Variants in ZIM2 observed in about 807,000 individuals in gnomAD.
ZIM2 encodes the protein zinc finger imprinted 2.
A neutral mutation model predicts 38.6 loss-of-function variants in ZIM2; 14 were observed. The observed-to-expected ratio is 0.36, with a 90% CI of 0.24 to 0.57. The LOEUF (loss-of-function observed/expected upper bound fraction) is 0.57. ZIM2 is among the 20% of genes least tolerant of loss of function. ZIM2 has a pLI of 0.81. For missense variants in ZIM2, 680 were observed against 695.1 expected (o/e 0.98, Z 0.24); for synonymous variants, 247 against 245.8 (o/e 1.00, Z -0.04).
At chr19:56,802,396 C>A (rs1272544213) in intron 9 of ZIM2, among the ~76,000 whole-genome samples, 1 of 152,134 alleles carries the variant, frequency 6.6e-6, no homozygotes, top group African/African-American at 2.4e-5. Flanking sequence ...ACGAGATGCA[C>A]TAAAAGGGAT....
intron 2 of ZIM2, among the ~76,000 whole-genome samples, chr19:56,826,803 A>G (rs987502375): frequency 6.6e-6 from 1 of 152,242 alleles, no homozygotes; most frequent in South Asian, 2.1e-4. Flanking sequence ...CAATTACAAT[A>G]AGACAAGAAA....
intron 7 of ZIM2, among the ~76,000 whole-genome samples, chr19:56,818,934 A>G (rs1461473930): frequency 6.6e-6 from 1 of 152,228 alleles, no homozygotes; most frequent in Admixed American, 6.5e-5. Flanking sequence ...CCTTGCCCTC[A>G]TGCAGCTTAT....
chr19:56,781,814 A>G, intron 11 of ZIM2, 139 bp downstream of exon 11: 2 of 1,066,498 alleles, frequency 1.9e-6, no homozygotes, highest in East Asian at 5.0e-5. Flanking sequence ...TTGATATTCA[A>G]ATATTAAAAT....
chr19:56,817,603 A>C (rs2146217355), intron 9 of ZIM2, 143 bp downstream of exon 9: 1 of 1,564,480 alleles, frequency 6.4e-7, no homozygotes, highest in East Asian at 2.2e-5. Context: ...CCAAATGTAA[A>C]TACTCCCTAG....
chr19:56,795,667 C>G (rs1430845288), intron 9 of ZIM2, among the ~76,000 whole-genome samples: 1 of 151,996 alleles, frequency 6.6e-6, no homozygotes, highest in African/African-American at 2.4e-5. Context: ...GGAGGGCGCT[C>G]CTGTGACCTT....
chr19:56,837,456 C>T (rs1454138331), intron 1 of ZIM2, among the ~76,000 whole-genome samples: 1 of 152,232 alleles, frequency 6.6e-6, no homozygotes, highest in Non-Finnish European at 1.5e-5. Context: ...AAAATCCCAC[C>T]TTTCCCCAAA....
intron 9 of ZIM2, among the ~76,000 whole-genome samples, chr19:56,791,595 A>C (rs766031280): frequency 6.6e-6 from 1 of 152,162 alleles, no homozygotes; most frequent in Non-Finnish European, 1.5e-5. Context: ...CAAAAGTATA[A>C]CATTCCCAAT....
chr19:56,836,969 CAAAAAAAAAAAAAAAA>C (rs573566620), intron 1 of ZIM2, among the ~76,000 whole-genome samples: 2,767 of 116,950 alleles, frequency 0.024, 69 homozygotes, highest in Middle Eastern at 0.051. Context: ...GACTCTGTCT[CAAAAAAAAAAAAAAAA>C]AAAAAAAAAA....
At chr19:56,828,675 A>G (rs914617702) in intron 2 of ZIM2, among the ~76,000 whole-genome samples, 2 of 152,224 alleles carry the variant, frequency 1.3e-5, no homozygotes, top group African/African-American at 2.4e-5. Flanking sequence ...AACACAGATG[A>G]CAGTTAATGT....
intron 9 of ZIM2, chr19:56,815,593 G>C (rs1342447596): frequency 6.2e-7 from 1 of 1,614,124 alleles, no homozygotes; most frequent in East Asian, 2.2e-5. Flanking sequence ...GTGAATTACA[G>C]AGGTCTCATT....
intron 7 of ZIM2, 95 bp downstream of exon 7, chr19:56,821,556 T>C (rs533937425): frequency 2.2e-5 from 33 of 1,485,508 alleles, no homozygotes; most frequent in Non-Finnish European, 2.9e-5. Context: ...AGCTGGACTC[T>C]AGGGGGCAGA....
In ZIM2 at chr19:56,813,153, T is replaced by C. The variant is rs80149212; in HGVS notation, c.490+4593A>G. 2.9e-5 allele frequency: 28 copies of C among 982,180 alleles called. No individual in the cohort carries two copies. In the East Asian group the frequency reaches 2.9e-3, roughly 100 times the overall value. The allele number at this position is 982,180 out of a possible 1,614,324, so 60.8% of individuals were successfully genotyped here. A position where few individuals can be genotyped will look rare whatever the true frequency, so the allele number is the denominator to read the frequency against. ...AATGCACAATAAATCTTTCTCAGGATCTAAGACACTTAAAAATATAATCAA... is the reference window on the plus strand; with the variant it reads ...AATGCACAATAAATCTTTCTCAGGACCTAAGACACTTAAAAATATAATCAA... On this transcript the variant is annotated intron_variant, in intron 9 of 12. Transcript: ENST00000629319.
chr19:56,803,853 A>C (rs1471096753), intron 9 of ZIM2, among the ~76,000 whole-genome samples: 2 of 152,340 alleles, frequency 1.3e-5, no homozygotes, highest in South Asian at 4.1e-4. Flanking sequence ...AAGGAATGGA[A>C]AAAGGCGACC....
chr19:56,813,643 G>A (rs770554190), intron 9 of ZIM2: 4 of 1,588,904 alleles, frequency 2.5e-6, no homozygotes, highest in African/African-American at 2.7e-5. Context: ...TCAAGTCCTA[G>A]GTGAAGGTTT....
chr19:56,820,949 C>CTGTATA (rs1471335447), intron 7 of ZIM2, among the ~76,000 whole-genome samples: 1 of 152,222 alleles, frequency 6.6e-6, no homozygotes, highest in Non-Finnish European at 1.5e-5. Flanking sequence ...TCCTCCTCCA[C>CTGTATA]ACTCCACCAT....
intron 1 of ZIM2, among the ~76,000 whole-genome samples, chr19:56,836,391 G>A (rs185992939): frequency 1.8e-3 from 281 of 152,230 alleles, no homozygotes; most frequent in African/African-American, 6.5e-3. Flanking sequence ...CTAGATTAAG[G>A]AATCAATTCA....
At chr19:56,780,073 T>A (rs1035709939) in intron 11 of ZIM2, among the ~76,000 whole-genome samples, 2 of 152,202 alleles carry the variant, frequency 1.3e-5, no homozygotes, top group East Asian at 3.8e-4. Context: ...ATCTATTTTG[T>A]AACCAAAATG....
At chr19:56,812,067 CT>C (rs2059578008) in intron 9 of ZIM2, 1 of 956,078 alleles carries the variant, frequency 1.0e-6, no homozygotes, top group Admixed American at 7.3e-5. Context: ...CCAGTGGGTA[CT>C]TTAATTTTGC....
intron 11 of ZIM2, among the ~76,000 whole-genome samples, chr19:56,781,027 C>T (rs542577501): frequency 2.9e-4 from 44 of 152,276 alleles, no homozygotes; most frequent in Non-Finnish European, 6.0e-4. Context: ...TGCATGAGAG[C>T]TGGAATGATA....
Sources: gnomAD v4.1 joint callset for allele counts (sites outside exome capture counted in the v4.1 genomes callset) on GRCh38, gnomAD v4.1.1 for gene constraint, MANE v1.5 for transcripts, NCBI Gene and HGNC (gene_info 2026-07-23, HGNC 2026-07-21) for gene names.